The following IL12RB1 variants were observed in gnomAD, a reference collection of about 807,000 sequenced individuals.
IL12RB1 encodes interleukin-12 receptor subunit beta-1.
IL12RB1 carries 64 observed loss-of-function variants against 94.4 expected under a neutral mutation model. The ratio of observed to expected loss-of-function variants is 0.68; its 90% CI spans 0.55 to 0.83. The LOEUF (loss-of-function observed/expected upper bound fraction) is 0.83. Ranked by LOEUF, IL12RB1 falls within the 40% of genes least tolerant of loss-of-function variation. IL12RB1 has a pLI of 0.00. For missense variants in IL12RB1, 814 were observed against 855.6 expected, an observed-to-expected ratio of 0.95 and a Z score of 0.61; for synonymous variants, 362 against 355.5, an observed-to-expected ratio of 1.02 and a Z score of -0.21.
intron 4 of IL12RB1, among the ~76,000 whole-genome samples, chr19:18,078,158 T>C (rs1434186602): frequency 6.6e-6 from 1 of 152,012 alleles, no homozygotes; most frequent in East Asian, 1.9e-4. Context: ...GCTGTAATCC[T>C]AGCACTTTGG....
chr19:18,085,235 C>T (rs1441115173), intron 1 of IL12RB1, among the ~76,000 whole-genome samples: 1 of 152,108 alleles, frequency 6.6e-6, no homozygotes, highest in Non-Finnish European at 1.5e-5. Flanking sequence ...AAGGCGGCAC[C>T]CCAGGAAACA....
At chr19:18,084,812 G>A (rs2036218078) in intron 1 of IL12RB1, among the ~76,000 whole-genome samples, 1 of 152,156 alleles carries the variant, frequency 6.6e-6, no homozygotes, top group Non-Finnish European at 1.5e-5. Context: ...ATGCATATTT[G>A]GGAGACACTC....
At position 18,086,852 on chromosome 19, in the gene IL12RB1, G is replaced by C; in HGVS notation, c.-29C>G. On this transcript the variant is annotated 5_prime_UTR_variant, in exon 1 of 17. Transcript: ENST00000593993. ...ATCCACGTAGAGCCCCACAGCCCCAGGGGAGCCTCTCTGCCACCTGCGAGG... is the reference window on the plus strand; with the variant it reads ...ATCCACGTAGAGCCCCACAGCCCCACGGGAGCCTCTCTGCCACCTGCGAGG... 1.2e-6 allele frequency: 2 copies of C among 1,600,646 alleles called. No individual in the cohort carries two copies. Among genetic ancestry groups the C allele is most frequent in the Non-Finnish European group, 1.7e-6 (2 of 1,173,570 alleles).
Position 18,059,896 on chromosome 19 carries a change from T to C in IL12RB1, c.1981A>G (p.Lys661Glu). 6.4e-7 allele frequency: 1 copy of C among 1,564,486 alleles called. No homozygotes were observed. The highest frequency in any genetic ancestry group is 8.7e-7 in the Non-Finnish European group (1 of 1,151,052). Residue 661 changes from lysine (K) to glutamate (E), a missense_variant and splice_region_variant, in exon 16 of 17, where the codon AAG becomes GAG. Lys to Glu is a moderately conservative substitution (Grantham distance 56). Coordinates refer to ENST00000593993, the MANE Select transcript of IL12RB1 (RefSeq NM_005535.3). ...TCTGGCCCACTGGGCCCCAGGACCT[T>C]GGCCTTGCACCTGTCTCCATCCTCC... ...SLEDGDRCKA[K>E]M
At position 18,086,854 on chromosome 19, in the gene IL12RB1, G is replaced by A; in HGVS notation, c.-31C>T. The A allele has an allele frequency of 6.3e-7, 1 of 1,599,602 alleles. No homozygotes were observed. On this transcript the variant is annotated 5_prime_UTR_variant, in exon 1 of 17. Coordinates refer to ENST00000593993, the MANE Select transcript of IL12RB1 (RefSeq NM_005535.3). Reference sequence around the variant, plus strand: ...CCACGTAGAGCCCCACAGCCCCAGGGGAGCCTCTCTGCCACCTGCGAGGTT... The same window carrying A: ...CCACGTAGAGCCCCACAGCCCCAGGAGAGCCTCTCTGCCACCTGCGAGGTT...
intron 1 of IL12RB1, among the ~76,000 whole-genome samples, chr19:18,092,023 T>C (rs2036653238): frequency 6.6e-6 from 1 of 151,244 alleles, no homozygotes; most frequent in African/African-American, 2.4e-5. Context: ...ATTACAGACA[T>C]GCACCACCAC....
At position 18,075,757 on chromosome 19, in the gene IL12RB1, A is replaced by G; in HGVS notation, c.692T>C (p.Val231Ala). Reference protein sequence around the residue: ...SWSKWSSPVCVPPENPPQPQV... With the variant: ...SWSKWSSPVCAPPENPPQPQV... ...ACTCAGAGTGATCTTACCAGGGGGAACGCACACGGGGCTGCTCCACTTGCT... is the reference window on the plus strand; with the variant it reads ...ACTCAGAGTGATCTTACCAGGGGGAGCGCACACGGGGCTGCTCCACTTGCT... The change falls in exon 7 of 17, where the codon GTT (valine) becomes GCT (alanine). Residue 231 changes from valine (V) to alanine (A), a missense_variant. Coordinates refer to ENST00000593993, the MANE Select transcript of IL12RB1 (RefSeq NM_005535.3). 1.9e-6 allele frequency: 3 copies of G among 1,612,942 alleles called. No individual in the cohort carries two copies. The highest frequency in any genetic ancestry group is 2.5e-6 in the Non-Finnish European group (3 of 1,178,990).
At chr19:18,065,262 C>T (rs1334599644) in intron 12 of IL12RB1, among the ~76,000 whole-genome samples, 1 of 152,146 alleles carries the variant, frequency 6.6e-6, no homozygotes, top group Non-Finnish European at 1.5e-5. Context: ...CATCAGATCC[C>T]CCCTCCAGGC....
At chr19:18,097,350 T>TG (rs926814461) in intron 1 of IL12RB1, among the ~76,000 whole-genome samples, 6 of 152,084 alleles carry the variant, frequency 3.9e-5, no homozygotes, top group African/African-American at 1.4e-4. Flanking sequence ...AGTAATTTTT[T>TG]TTTTGTTTTG....
At chr19:18,075,302 C>A (rs62121127) in intron 7 of IL12RB1, among the ~76,000 whole-genome samples, 1 of 148,700 alleles carries the variant, frequency 6.7e-6, no homozygotes, top group Non-Finnish European at 1.5e-5. Context: ...GCCCTGTCAC[C>A]CAGGCTGGAG....
upstream of IL12RB1, among the ~76,000 whole-genome samples, chr19:18,090,308 G>A (rs1302758856): frequency 1.3e-5 from 2 of 152,144 alleles, no homozygotes; most frequent in African/African-American, 4.8e-5. Context: ...TTGCGCCACT[G>A]CACTCCAGCC....
chr19:18,078,408 A>G (rs2035638059), intron 4 of IL12RB1, among the ~76,000 whole-genome samples: 1 of 152,126 alleles, frequency 6.6e-6, no homozygotes, highest in South Asian at 2.1e-4. Flanking sequence ...CTCTGTCTCA[A>G]AACAAATTAA....
At chr19:18,084,493 T>C (rs2036186789) in intron 1 of IL12RB1, among the ~76,000 whole-genome samples, 1 of 151,952 alleles carries the variant, frequency 6.6e-6, no homozygotes, top group Admixed American at 6.6e-5. Flanking sequence ...CATCCATCCA[T>C]CCATGTATTT....
intron 4 of IL12RB1, among the ~76,000 whole-genome samples, chr19:18,078,379 C>A (rs999599642): frequency 6.6e-6 from 1 of 151,872 alleles, no homozygotes; most frequent in African/African-American, 2.4e-5. Context: ...TGCCCTCCGG[C>A]CTGGGTGACA....
chr19:18,064,475 G>T (rs1250814652), intron 12 of IL12RB1, among the ~76,000 whole-genome samples: 3 of 114,634 alleles, frequency 2.6e-5, no homozygotes, highest in South Asian at 2.7e-4. Flanking sequence ...TTCATCTCAA[G>T]ATTTTTTTTT....
intron 1 of IL12RB1, among the ~76,000 whole-genome samples, chr19:18,094,898 A>C (rs973519384): frequency 4.6e-5 from 7 of 152,094 alleles, no homozygotes; most frequent in African/African-American, 1.7e-4. Context: ...CCACAAAGGC[A>C]GGGGGCGGTA....
intron 1 of IL12RB1, chr19:18,097,921 G>T: frequency 1.9e-6 from 2 of 1,052,426 alleles, no homozygotes; most frequent in Non-Finnish European, 2.4e-6. Flanking sequence ...GGCCTTCACG[G>T]GCTGTAGGGA....
chr19:18,080,988 G>A lies in IL12RB1; in HGVS notation c.253C>T (p.Arg85Cys), dbSNP rs138859377. The change falls in exon 4 of 17, where the codon CGC (arginine) becomes TGC (cysteine). Residue 85 changes from arginine to cysteine, a missense_variant. Transcript: ENST00000593993. ...HFLRCCLSSG[R>C]CCYFAAGSAT... ...GAGCCGGCGGCGAAGTAGCAGCAGCGCCCGGAGCTAAGGCTGCAGCAGGAA... is the reference window on the plus strand; with the variant it reads ...GAGCCGGCGGCGAAGTAGCAGCAGCACCCGGAGCTAAGGCTGCAGCAGGAA... 3.3e-5 allele frequency: 53 copies of A among 1,612,288 alleles called. No homozygotes were observed. Among genetic ancestry groups the A allele is most frequent in the Middle Eastern group, 1.8e-4 (1 of 5,630 alleles).
chr19:18,068,586 T>C, intron 10 of IL12RB1, 60 bp from the exon 11 acceptor site: 1 of 1,444,538 alleles, frequency 6.9e-7, no homozygotes, highest in Non-Finnish European at 9.7e-7. Flanking sequence ...TCTGCACCTT[T>C]GCACTGGCTG....
Sources: gnomAD v4.1 joint callset for allele counts (sites outside exome capture counted in the v4.1 genomes callset) on GRCh38, gnomAD v4.1.1 for gene constraint, MANE v1.5 for transcripts, NCBI Gene and HGNC (gene_info 2026-07-23, HGNC 2026-07-21) for gene names.